EFCAB13: variants seen among roughly 807,000 people sequenced by gnomAD.
EFCAB13 encodes the protein EF-hand calcium binding domain 13.
EFCAB13 carries 91 observed loss-of-function variants against 110.2 expected under a neutral mutation model. The ratio of observed to expected loss-of-function variants is 0.83; its 90% CI spans 0.70 to 0.98. The LOEUF is 0.98. Ranked by LOEUF, EFCAB13 falls within the 50% of genes least tolerant of loss-of-function variation. EFCAB13 has a pLI of 0.00. For synonymous variants in EFCAB13, 323 were observed against 369.9 expected, an observed-to-expected ratio of 0.87 and a Z score of 1.45; for missense variants, 968 against 1,119.4, an observed-to-expected ratio of 0.86 and a Z score of 1.93.
chr17:47,439,171 G>GTTTTTTT lies in EFCAB13; in HGVS notation c.2639-1242_2639-1236dup, dbSNP rs71141908. 4.0e-3 allele frequency among the ~76,000 whole-genome samples: 299 copies of GTTTTTTT among 73,874 alleles called. 4 individuals carry two copies. The highest frequency in any genetic ancestry group is 0.011 in the Middle Eastern group (1 of 90). The allele number at this position is 73,874 out of a possible 152,430, so 48.5% of individuals were successfully genotyped here. A position where few individuals can be genotyped will look rare whatever the true frequency, so the allele number is the denominator to read the frequency against. On this transcript the variant is annotated intron_variant, in intron 24 of 24. Coordinates refer to ENST00000331493, the MANE Select transcript of EFCAB13 (RefSeq NM_152347.5). ...GCCACCTGAGTTTCCTCTTTGTTTT[G>GTTTTTTT]TTTTTTTTTTTTTTTTTTTTTTTTA... is the stretch of plus-strand genomic sequence containing the variant.
At chr17:47,337,489 A>C (rs1387787529) in intron 5 of EFCAB13, among the ~76,000 whole-genome samples, 1 of 152,204 alleles carries the variant, frequency 6.6e-6, no homozygotes, top group Non-Finnish European at 1.5e-5. Flanking sequence ...AAAATAAAAA[A>C]AATTTAAAAA....
chr17:47,379,663 A>AT (rs2065635813), intron 14 of EFCAB13, among the ~76,000 whole-genome samples: 1 of 151,924 alleles, frequency 6.6e-6, no homozygotes. Flanking sequence ...TAATTTATGT[A>AT]TATAAAATTC....
chr17:47,405,456 A>G (rs1040750009), intron 20 of EFCAB13, among the ~76,000 whole-genome samples: 1 of 152,116 alleles, frequency 6.6e-6, no homozygotes, highest in Non-Finnish European at 1.5e-5. Flanking sequence ...TAAAATTCTG[A>G]TAGGAGCATT....
rs994928727 is a variant in EFCAB13 at position 47,423,400 on chromosome 17, A to T, written c.2495-6418A>T. The T allele has an allele frequency of 2.4e-4, 39 of 165,386 alleles. No individual in the cohort carries two copies. The East Asian group carries it at 3.6e-3, about 15-fold the overall frequency. The allele number at this position is 165,386 out of a possible 1,614,324, so 10.2% of individuals were successfully genotyped here. ...GAGGGTTTGAGATTGTTTAAAAATAAAAAAGTTGAGGGGGCGTGTTCCCGT... is the reference window on the plus strand; with the variant it reads ...GAGGGTTTGAGATTGTTTAAAAATATAAAAGTTGAGGGGGCGTGTTCCCGT... On this transcript the variant is annotated intron_variant, in intron 23 of 24. Transcript: ENST00000331493.
intron 18 of EFCAB13, 112 bp from the exon 19 acceptor site, chr17:47,403,766 A>C: frequency 2.2e-6 from 2 of 907,792 alleles, no homozygotes; most frequent in East Asian, 3.1e-5. Flanking sequence ...TTTCTCTCTG[A>C]GATTTCTTAT....
rs1254820669 is a variant in EFCAB13 at position 47,412,816 on chromosome 17, C to T, written c.2322C>T (p.Gly774=). 1.2e-6 allele frequency: 2 copies of T among 1,613,578 alleles called. No homozygotes were observed. The highest frequency in any genetic ancestry group is 2.2e-5 in the East Asian group (1 of 44,826). Reference sequence around the variant, plus strand: ...ACATCTTGTCACATGTCGATAATGGCAAGATTGGTATACCTGATTTGGAGC... The same window carrying T: ...ACATCTTGTCACATGTCGATAATGGTAAGATTGGTATACCTGATTTGGAGC... ...AANILSHVDN[G]KIGIPDLEHA... is the part of the protein sequence containing the mutation. The change falls in exon 22 of 25, where the codon GGC becomes GGT. Residue 774 remains glycine (G), a synonymous_variant. Transcript: ENST00000331493.
chr17:47,434,935 T>G (rs1905185146), intron 24 of EFCAB13, among the ~76,000 whole-genome samples: 6 of 152,050 alleles, frequency 3.9e-5, no homozygotes, highest in Admixed American at 3.9e-4. Context: ...CCATAAAAAT[T>G]ATAGAATATA....
chr17:47,325,926 ATATAT>A (rs2065281122), intron 2 of EFCAB13, among the ~76,000 whole-genome samples: 1 of 20,158 alleles, frequency 5.0e-5, no homozygotes, highest in Admixed American at 6.5e-4. Context: ...TAAACAAAAT[ATATAT>A]ATATATATAT....
intron 23 of EFCAB13, chr17:47,423,287 ATAGT>A (rs1305117191): frequency 6.6e-6 from 1 of 152,276 alleles, no homozygotes; most frequent in Non-Finnish European, 1.5e-5. Context: ...ACACAATAAT[ATAGT>A]TAATGGTGAA....
At chr17:47,380,926 A>T in intron 14 of EFCAB13, among the ~76,000 whole-genome samples, 1 of 133,154 alleles carries the variant, frequency 7.5e-6, no homozygotes. Flanking sequence ...TCTGTCACCT[A>T]GGCTGGAGTG....
intron 20 of EFCAB13, chr17:47,409,421 G>C: frequency 2.1e-6 from 1 of 465,890 alleles, no homozygotes; most frequent in Admixed American, 3.2e-5. Context: ...CACATTTAAG[G>C]AGTTGGTGGA....
chr17:47,332,447 A>G (rs2065324743), intron 4 of EFCAB13, among the ~76,000 whole-genome samples: 1 of 152,100 alleles, frequency 6.6e-6, no homozygotes, highest in African/African-American at 2.4e-5. Flanking sequence ...TTTGAAGTAT[A>G]TATTATTTAC....
intron 24 of EFCAB13, among the ~76,000 whole-genome samples, chr17:47,437,796 A>G (rs901223001): frequency 5.9e-5 from 9 of 152,152 alleles, no homozygotes; most frequent in African/African-American, 2.2e-4. Flanking sequence ...GGTTACATTC[A>G]TCATATTCTT....
chr17:47,368,421 G>A (rs186520224), intron 10 of EFCAB13, among the ~76,000 whole-genome samples: 5 of 152,330 alleles, frequency 3.3e-5, no homozygotes. Flanking sequence ...GTGGAGCAAA[G>A]GTGGTAGAGA....
chr17:47,325,383 G>C (rs1239828211), intron 2 of EFCAB13, among the ~76,000 whole-genome samples: 2 of 152,074 alleles, frequency 1.3e-5, no homozygotes, highest in African/African-American at 4.8e-5. Flanking sequence ...AGACCTACCT[G>C]ATTTCCCTCC....
At chr17:47,342,511 C>G (rs145368946) in intron 6 of EFCAB13, among the ~76,000 whole-genome samples, 2 of 152,114 alleles carry the variant, frequency 1.3e-5, no homozygotes, top group Non-Finnish European at 2.9e-5. Context: ...ACATTTTCTC[C>G]AAATAAGGTG....
chr17:47,404,630 A>G lies in EFCAB13; in HGVS notation c.2230A>G (p.Ile744Val), dbSNP rs1355433893. ...GGACACCCAGAAATTTTCCAATTATATTGGTAAGAGCTTTATGGTAATACT... is the reference window on the plus strand; with the variant it reads ...GGACACCCAGAAATTTTCCAATTATGTTGGTAAGAGCTTTATGGTAATACT... ...LRDTQKFSNYIDFRKEASNLK... is the reference protein window; with the variant it reads ...LRDTQKFSNYVDFRKEASNLK... Residue 744 changes from isoleucine to valine, a missense_variant, in exon 20 of 25, where the codon ATT (isoleucine) becomes GTT (valine). Coordinates refer to ENST00000331493, the MANE Select transcript of EFCAB13 (RefSeq NM_152347.5). 1 of 1,609,478 alleles carries G rather than the reference A, an allele frequency of 6.2e-7. No individual in the cohort carries two copies. Among genetic ancestry groups the G allele is most frequent in the South Asian group, 1.1e-5 (1 of 90,914 alleles).
At chr17:47,363,263 T>G (rs1471421550) in intron 10 of EFCAB13, among the ~76,000 whole-genome samples, 11 of 152,072 alleles carry the variant, frequency 7.2e-5, no homozygotes, top group Admixed American at 4.6e-4. Flanking sequence ...GATGAGGTCT[T>G]GCTATGTTTC....
intron 10 of EFCAB13, among the ~76,000 whole-genome samples, chr17:47,364,000 T>C (rs1420238297): frequency 6.6e-6 from 1 of 152,236 alleles, no homozygotes; most frequent in Non-Finnish European, 1.5e-5. Flanking sequence ...AAATCATATA[T>C]GAAACAGCTG....
Sources: allele counts gnomAD v4.1 joint callset (sites outside exome capture counted in the v4.1 genomes callset), GRCh38; gene constraint gnomAD v4.1.1; transcripts MANE v1.5; gene names NCBI Gene and HGNC (gene_info 2026-07-23, HGNC 2026-07-21).